HPCAL4: variants seen among roughly 807,000 people sequenced by gnomAD.
The protein encoded by HPCAL4 is hippocalcin-like protein 4.
Under a neutral mutation model 18.2 loss-of-function variants are expected in HPCAL4, and 16 were observed. That is an observed-to-expected ratio of 0.88 (90% confidence interval 0.59 to 1.33). The LOEUF is 1.33. HPCAL4 is among the 40% of genes most tolerant of loss of function. HPCAL4 has a pLI of 0.00. For missense variants in HPCAL4, 214 were observed against 256.6 expected (o/e 0.83, Z 1.14); for synonymous variants, 80 against 97.5 (o/e 0.82, Z 1.06).
chr1:39,689,227 G>A (rs1646699864), intron 1 of HPCAL4, among the ~76,000 whole-genome samples: 1 of 152,080 alleles, frequency 6.6e-6, no homozygotes, highest in Non-Finnish European at 1.5e-5. Context: ...CTGAGTCTGG[G>A]ACCCATGAGA....
In HPCAL4 at chr1:39,681,270, T is replaced by A. The variant is rs959567863; in HGVS notation, c.*1266A>T. On this transcript the variant is annotated 3_prime_UTR_variant, in exon 4 of 4. Coordinates refer to ENST00000372844, the MANE Select transcript of HPCAL4 (RefSeq NM_016257.4). ...TTTTAGGCATTTCGTCCATAAATTA[T>A]GTCTGGGTGCCTAAACAGTGGCCAG... The A allele has an allele frequency of 6.6e-6, 1 of 152,262 alleles. No homozygotes were observed. Among genetic ancestry groups the A allele is most frequent in the Admixed American group, 6.5e-5 (1 of 15,286 alleles). The allele number at this position is 152,262 out of a possible 1,614,324, so 9.4% of individuals were successfully genotyped here.
At position 39,682,452 on chromosome 1, in the gene HPCAL4, C is replaced by G; in HGVS notation, c.*84G>C. The stretch of plus-strand genomic sequence containing the variant: ...AGAGAGGGGGGCTGGAGTGTCCCTC[C>G]TCCTGGGAGGCCAGCCAGAGAGGTC... On this transcript the variant is annotated 3_prime_UTR_variant, in exon 4 of 4. Transcript: ENST00000372844. 7.3e-7 allele frequency: 1 copy of G among 1,367,850 alleles called. No homozygotes were observed. The highest frequency in any genetic ancestry group is 2.3e-5 in the East Asian group (1 of 43,290). 84.7% of individuals were successfully genotyped at this position (1,367,850 alleles called of 1,614,324 possible).
chr1:39,690,685 G>A (rs1375666556), intron 1 of HPCAL4, among the ~76,000 whole-genome samples: 1 of 152,058 alleles, frequency 6.6e-6, no homozygotes, highest in African/African-American at 2.4e-5. Context: ...GGGCCACTGG[G>A]GAGGGCTGTC....
In HPCAL4 at chr1:39,681,150, A is replaced by G. The variant is rs925866377; in HGVS notation, c.*1386T>C. 3.9e-5 allele frequency: 6 copies of G among 152,414 alleles called. No homozygotes were observed. Among genetic ancestry groups the G allele is most frequent in the African/African-American group, 1.2e-4 (5 of 41,454 alleles). The allele number at this position is 152,414 out of a possible 1,614,324, so 9.4% of individuals were successfully genotyped here. On this transcript the variant is annotated 3_prime_UTR_variant, in exon 4 of 4. Transcript: ENST00000372844. ...CAAAATTGGGAAGCAGGCATTGGAAAGCAGAACCAGCACACTTGGAAGATG... is the reference window on the plus strand; with the variant it reads ...CAAAATTGGGAAGCAGGCATTGGAAGGCAGAACCAGCACACTTGGAAGATG...
intron 3 of HPCAL4, among the ~76,000 whole-genome samples, chr1:39,683,374 C>T (rs1646643952): frequency 6.6e-6 from 1 of 152,178 alleles, no homozygotes; most frequent in African/African-American, 2.4e-5. Context: ...AGAGAAAGGC[C>T]GACCTGCCTT....
rs1288080757 is a variant in HPCAL4 at position 39,679,580 on chromosome 1, T to G, written c.*2956A>C. Reference sequence around the variant, plus strand: ...TGTTTTGATTGTCTGTATATTTTTGTGTCTGTGCAAGTCATACATAAATCT... The same window carrying G: ...TGTTTTGATTGTCTGTATATTTTTGGGTCTGTGCAAGTCATACATAAATCT... On this transcript the variant is annotated 3_prime_UTR_variant, in exon 4 of 4. Transcript: ENST00000372844. 6.6e-6 allele frequency: 1 copy of G among 152,264 alleles called. No homozygotes were observed. Among genetic ancestry groups the G allele is most frequent in the Non-Finnish European group, 1.5e-5 (1 of 68,052 alleles). 9.4% of individuals were successfully genotyped at this position (152,264 alleles called of 1,614,324 possible). A position where few individuals can be genotyped will look rare whatever the true frequency, so the allele number is the denominator to read the frequency against.
Position 39,678,915 on chromosome 1 carries a change from C to T in HPCAL4, c.*3621G>A, listed in dbSNP as rs1646597101. The stretch of plus-strand genomic sequence containing the variant: ...TACACCCTGGCAGGCCCAGTCCTGC[C>T]CCCACACTCTGGCAAAGGTAAAAAG... On this transcript the variant is annotated 3_prime_UTR_variant, in exon 4 of 4. Transcript: ENST00000372844. 1 of 152,182 alleles carries T rather than the reference C, an allele frequency of 6.6e-6. No individual in the cohort carries two copies. Among genetic ancestry groups the T allele is most frequent in the Non-Finnish European group, 1.5e-5 (1 of 68,040 alleles). The allele number at this position is 152,182 out of a possible 1,614,324, so 9.4% of individuals were successfully genotyped here. A position where few individuals can be genotyped will look rare whatever the true frequency, so the allele number is the denominator to read the frequency against.
chr1:39,688,924 G>A (rs1239589441), intron 1 of HPCAL4, among the ~76,000 whole-genome samples: 1 of 152,192 alleles, frequency 6.6e-6, no homozygotes, highest in Non-Finnish European at 1.5e-5. Context: ...CTTTGGGCAT[G>A]AGTCAGTCCC....
chr1:39,690,292 A>C (rs1366525268), intron 1 of HPCAL4, among the ~76,000 whole-genome samples: 1 of 152,012 alleles, frequency 6.6e-6, no homozygotes, highest in Non-Finnish European at 1.5e-5. Flanking sequence ...CCCCATTTTC[A>C]TGAAGGATCA....
intron 1 of HPCAL4, among the ~76,000 whole-genome samples, chr1:39,685,684 C>T (rs1040659413): frequency 5.3e-5 from 8 of 151,918 alleles, no homozygotes; most frequent in African/African-American, 1.9e-4. Context: ...TCAAGACCAT[C>T]CTGGCTAACA....
At chr1:39,685,879 CA>C (rs34605605) in intron 1 of HPCAL4, among the ~76,000 whole-genome samples, 60,273 of 136,214 alleles carry the variant, frequency 0.44, 13,223 homozygotes, top group East Asian at 0.67. Flanking sequence ...GACTCCACCT[CA>C]AAAAAAAAAA....
At chr1:39,688,949 A>G (rs932985660) in intron 1 of HPCAL4, among the ~76,000 whole-genome samples, 3 of 152,088 alleles carry the variant, frequency 2.0e-5, no homozygotes, top group Non-Finnish European at 1.5e-5. Context: ...AGGCGTGTAG[A>G]CTTCATAGCC....
intron 1 of HPCAL4, among the ~76,000 whole-genome samples, chr1:39,686,481 C>T (rs551952208): frequency 1.2e-4 from 19 of 152,162 alleles, no homozygotes; most frequent in African/African-American, 4.1e-4. Context: ...GAGTAAGGGT[C>T]GTGGAGAGAC....
At chr1:39,690,914 A>C (rs1206163680) in intron 1 of HPCAL4, among the ~76,000 whole-genome samples, 1 of 152,036 alleles carries the variant, frequency 6.6e-6, no homozygotes, top group African/African-American at 2.4e-5. Flanking sequence ...GGTGCTGGGC[A>C]GACAACCCAT....
intron 1 of HPCAL4, among the ~76,000 whole-genome samples, chr1:39,685,823 T>C (rs1646669124): frequency 6.8e-6 from 1 of 146,928 alleles, no homozygotes; most frequent in South Asian, 2.1e-4. Flanking sequence ...GAGCATGCAG[T>C]GAGCTGAGAT....
At position 39,679,680 on chromosome 1, in the gene HPCAL4, C is replaced by T. The variant is rs1646608471; in HGVS notation, c.*2856G>A. On this transcript the variant is annotated 3_prime_UTR_variant, in exon 4 of 4. Transcript: ENST00000372844. ...GGGAGACCTGTGTCTCTTCTCAAGG[C>T]AGGGCCAGTGCTCTACCACAGTGCT... 6.6e-6 allele frequency: 1 copy of T among 152,266 alleles called. No homozygotes were observed. The highest frequency in any genetic ancestry group is 6.5e-5 in the Admixed American group (1 of 15,280). 9.4% of individuals were successfully genotyped at this position (152,266 alleles called of 1,614,324 possible).
At chr1:39,686,033 T>G (rs571711304) in intron 1 of HPCAL4, among the ~76,000 whole-genome samples, 115 of 150,920 alleles carry the variant, frequency 7.6e-4, no homozygotes, top group African/African-American at 2.7e-3. Flanking sequence ...TACAAAAAAT[T>G]AGCCAGGCAT....
chr1:39,682,589 C>T lies in HPCAL4; in HGVS notation c.523G>A (p.Ala175Thr), dbSNP rs780056199. Residue 175 changes from alanine (A) to threonine (T), a missense_variant, in exon 4 of 4, where the codon GCC becomes ACC. Coordinates refer to ENST00000372844, the MANE Select transcript of HPCAL4 (RefSeq NM_016257.4). ...QITLEEFKEA[A>T]KSDPSIVLLL... ...AACACAATGGATGGGTCACTCTTGG[C>T]TGCCTCCTTGAACTCCTCCAATGTA... 3.1e-6 allele frequency: 5 copies of T among 1,614,264 alleles called. No homozygotes were observed. In the South Asian group the frequency reaches 3.3e-5, roughly 11 times the overall value.
chr1:39,682,814 G>T, intron 3 of HPCAL4, 81 bp from the exon 4 acceptor site: 1 of 1,075,704 alleles, frequency 9.3e-7, no homozygotes, highest in Non-Finnish European at 1.4e-6. Flanking sequence ...GGATCTGGCA[G>T]GGAGAACACT....
Sources: allele counts gnomAD v4.1 joint callset (sites outside exome capture counted in the v4.1 genomes callset), GRCh38; gene constraint gnomAD v4.1.1; transcripts MANE v1.5; gene names NCBI Gene and HGNC (gene_info 2026-07-23, HGNC 2026-07-21).